The following PTK2 variants were observed in gnomAD, a reference collection of about 807,000 sequenced individuals.
PTK2 encodes the protein focal adhesion kinase 1.
In PTK2, 45 loss-of-function variants were observed where a neutral mutation model predicts 150.1. The observed-to-expected ratio is 0.30, with a 90% confidence interval of 0.24 to 0.38. The LOEUF (loss-of-function observed/expected upper bound fraction) is 0.38. Among genes scored for constraint, PTK2 ranks in the 10% least tolerant of loss-of-function variants. The pLI, the probability that PTK2 is intolerant of heterozygous loss-of-function variation, is 1.00. For synonymous variants in PTK2, 432 were observed against 449.2 expected (o/e 0.96, Z 0.48); for missense variants, 919 against 1,307.3 (o/e 0.70, Z 4.58).
Position 140,964,547 on chromosome 8 carries a change from ATT to A in PTK2, c.-122+36576_-122+36577del, listed in dbSNP as rs1025644210. On this transcript the variant is annotated intron_variant, in intron 1 of 31. Transcript: ENST00000522684. ...TGGGCACCACCCCCAGCCCCAGGTA[ATT>A]TTTTTTTTTTTTTTTTTTTTTTTTT... 7.3e-3 allele frequency among the ~76,000 whole-genome samples: 557 copies of A among 76,826 alleles called. 6 individuals carry two copies. The highest frequency in any genetic ancestry group is 0.023 in the African/African-American group (392 of 16,956). 50.4% of individuals were successfully genotyped at this position (76,826 alleles called of 152,430 possible). A position where few individuals can be genotyped will look rare whatever the true frequency, so the allele number is the denominator to read the frequency against.
intron 22 of PTK2, among the ~76,000 whole-genome samples, chr8:140,731,587 TAATATAGTCAAAAACA>T (rs2100049407): frequency 1.3e-5 from 2 of 152,106 alleles, no homozygotes; most frequent in African/African-American, 4.8e-5. Flanking sequence ...ACTTCTCAAC[TAATATAGTCAAAAACA>T]AATATACAAG....
At chr8:140,895,376 G>T (rs2100155749) in intron 2 of PTK2, among the ~76,000 whole-genome samples, 1 of 152,074 alleles carries the variant, frequency 6.6e-6, no homozygotes, top group South Asian at 2.1e-4. Context: ...AAAAAAATCA[G>T]CTGGGCATGG....
At chr8:140,939,799 T>C (rs1338803876) in intron 1 of PTK2, among the ~76,000 whole-genome samples, 1 of 152,252 alleles carries the variant, frequency 6.6e-6, no homozygotes, top group Non-Finnish European at 1.5e-5. Context: ...TTTGTCCTGC[T>C]CTGGCATTAA....
At chr8:140,835,898 G>A (rs774587755) in intron 7 of PTK2, among the ~76,000 whole-genome samples, 1 of 152,028 alleles carries the variant, frequency 6.6e-6, no homozygotes, top group African/African-American at 2.4e-5. Context: ...CATGTTAGGG[G>A]AACTGGTGTG....
chr8:140,966,582 A>C (rs560743603), intron 1 of PTK2, among the ~76,000 whole-genome samples: 1 of 152,378 alleles, frequency 6.6e-6, no homozygotes, highest in South Asian at 2.1e-4. Flanking sequence ...CTGATAAAAT[A>C]TAAGTATAAA....
rs28833179 is a variant in PTK2 at position 140,684,797 on chromosome 8, G to A, written c.2562+1835C>T. On this transcript the variant is annotated intron_variant, in intron 27 of 31. Coordinates refer to ENST00000522684, the Ensembl canonical transcript of PTK2. ...TGGTCATACCGCCCAAAGTATGGTCGTACCGCCCAATGGTCATACCGCCCA... is the reference window on the plus strand; with the variant it reads ...TGGTCATACCGCCCAAAGTATGGTCATACCGCCCAATGGTCATACCGCCCA... Among the ~76,000 whole-genome samples, 1,470 of 152,098 alleles carry A rather than the reference G, an allele frequency of 9.7e-3. 22 individuals are homozygous for A. Among genetic ancestry groups the A allele is most frequent in the African/African-American group, 0.034 (1,410 of 41,490 alleles).
intron 14 of PTK2, among the ~76,000 whole-genome samples, chr8:140,778,904 A>C (rs2100079980): frequency 6.6e-6 from 1 of 152,128 alleles, no homozygotes; most frequent in Non-Finnish European, 1.5e-5. Context: ...TTATAGTTGT[A>C]GATAAAGTGT....
chr8:140,910,881 A>C (rs1187573656), intron 2 of PTK2, among the ~76,000 whole-genome samples: 2 of 105,494 alleles, frequency 1.9e-5, no homozygotes, highest in Non-Finnish European at 4.1e-5. Context: ...CCACTTCATA[A>C]TTATAGGTTT....
At position 141,000,087 on chromosome 8, in the gene PTK2, TCACACA is replaced by T. The variant is rs71310820; in HGVS notation, c.-122+1032_-122+1037del. 1.9e-3 allele frequency among the ~76,000 whole-genome samples: 159 copies of T among 81,648 alleles called. 1 individual carries two copies. The highest frequency in any genetic ancestry group is 0.01 in the African/African-American group (143 of 14,104). The allele number at this position is 81,648 out of a possible 152,430, so 53.6% of individuals were successfully genotyped here. On this transcript the variant is annotated intron_variant, in intron 1 of 31. Coordinates refer to ENST00000522684, the Ensembl canonical transcript of PTK2. ...AATTCTGCAATTAAATGAAACCAAT[TCACACA>T]CACACACACACACACACACACACAC...
chr8:140,880,201 A>G (rs1568075760), intron 3 of PTK2, among the ~76,000 whole-genome samples: 1 of 152,224 alleles, frequency 6.6e-6, no homozygotes, highest in Non-Finnish European at 1.5e-5. Flanking sequence ...TCAGTTTATT[A>G]TTACTTGCTC....
intron 1 of PTK2, among the ~76,000 whole-genome samples, chr8:140,982,438 A>T (rs1352788965): frequency 1.3e-5 from 2 of 152,192 alleles, no homozygotes. Flanking sequence ...CTCTACTAAA[A>T]ATACAGAAAT....
intron 3 of PTK2, chr8:140,890,305 T>G (rs1026280283): frequency 4.9e-6 from 2 of 410,370 alleles, no homozygotes; most frequent in Non-Finnish European, 8.5e-6. Flanking sequence ...AATAAGTCAA[T>G]GGTATTTTAT....
chr8:140,900,716 T>C (rs2100158129), intron 2 of PTK2, among the ~76,000 whole-genome samples: 1 of 150,020 alleles, frequency 6.7e-6, no homozygotes, highest in Admixed American at 6.6e-5. Flanking sequence ...AGTGAGACTG[T>C]CTCAAAAAGA....
intron 29 of PTK2, among the ~76,000 whole-genome samples, chr8:140,671,227 T>G (rs1324605130): frequency 1.3e-5 from 2 of 152,214 alleles, no homozygotes; most frequent in Non-Finnish European, 2.9e-5. Context: ...AATATTTTAG[T>G]ATTAGTTTTT....
At chr8:140,735,813 A>G (rs2100052266) in intron 21 of PTK2, among the ~76,000 whole-genome samples, 1 of 152,178 alleles carries the variant, frequency 6.6e-6, no homozygotes, top group Admixed American at 6.5e-5. Context: ...GGTCTCATCT[A>G]TTTATAATTA....
intron 1 of PTK2, among the ~76,000 whole-genome samples, chr8:140,985,781 C>T (rs945650715): frequency 5.3e-5 from 8 of 152,206 alleles, no homozygotes; most frequent in Non-Finnish European, 7.3e-5. Flanking sequence ...ATAATAAATG[C>T]TTTCACAAAA....
At chr8:140,852,875 A>T (rs1263555063) in intron 5 of PTK2, among the ~76,000 whole-genome samples, 1 of 152,216 alleles carries the variant, frequency 6.6e-6, no homozygotes, top group Non-Finnish European at 1.5e-5. Flanking sequence ...GCATATTTTT[A>T]GGGCTGGCCC....
rs1193528545 is a variant in PTK2, at chr8:140,890,534, C to A, written c.195+9G>T. The A allele has an allele frequency of 5.0e-6, 8 of 1,606,688 alleles. No homozygotes were observed. Among genetic ancestry groups the A allele is most frequent in the Non-Finnish European group, 6.8e-6 (8 of 1,174,172 alleles). On this transcript the variant is annotated intron_variant, in intron 3 of 31. Transcript: ENST00000522684. The stretch of plus-strand genomic sequence containing the variant: ...ACATTAAAGATGTCTCATGGAAAAA[C>A]GTACTTACCCTGACATCAGTAGCAT...
intron 12 of PTK2, among the ~76,000 whole-genome samples, chr8:140,799,596 C>G (rs2100093754): frequency 6.6e-6 from 1 of 152,158 alleles, no homozygotes; most frequent in Non-Finnish European, 1.5e-5. Context: ...GATACAGTGT[C>G]AAGATCAGAC....
Sources: allele counts gnomAD v4.1 joint callset (sites outside exome capture counted in the v4.1 genomes callset), GRCh38; gene constraint gnomAD v4.1.1; transcripts MANE v1.5; gene names NCBI Gene and HGNC (gene_info 2026-07-23, HGNC 2026-07-21).